Variants in BAIAP2L1 observed in about 807,000 individuals in gnomAD.
The protein encoded by BAIAP2L1 is BAR/IMD domain-containing adapter protein 2-like 1.
BAIAP2L1 carries 35 observed loss-of-function variants against 66.3 expected under a neutral mutation model. That is an observed-to-expected ratio of 0.53 (90% CI 0.40 to 0.70). The LOEUF (loss-of-function observed/expected upper bound fraction) is 0.70, where lower values mean the gene tolerates loss of function less well. Ranked by LOEUF, BAIAP2L1 falls within the 30% of genes least tolerant of loss-of-function variation. The pLI is 0.00. For synonymous variants in BAIAP2L1, 269 were observed against 248.7 expected, an observed-to-expected ratio of 1.08 and a Z score of -0.77; for missense variants, 622 against 656.9, an observed-to-expected ratio of 0.95 and a Z score of 0.58.
At chr7:98,331,506 T>TCG (rs200857454) in intron 3 of BAIAP2L1, among the ~76,000 whole-genome samples, 2,229 of 149,410 alleles carry the variant, frequency 0.015, 29 homozygotes, top group Non-Finnish European at 0.025. Context: ...TTCACTCTTG[T>TCG]CGTCCAGGCT....
chr7:98,339,415 G>A (rs1801688059), intron 3 of BAIAP2L1, among the ~76,000 whole-genome samples: 1 of 152,196 alleles, frequency 6.6e-6, no homozygotes, highest in South Asian at 2.1e-4. Context: ...ACTTTTAACA[G>A]TTTTGTTAAG....
intron 9 of BAIAP2L1, 37 bp from the exon 10 acceptor site, chr7:98,307,933 G>C: frequency 1.3e-6 from 2 of 1,598,864 alleles, no homozygotes; most frequent in African/African-American, 2.7e-5. Flanking sequence ...GCTTTTCAAA[G>C]CATGAGAATC....
chr7:98,327,296 G>A (rs1801398077), intron 3 of BAIAP2L1, among the ~76,000 whole-genome samples: 1 of 152,052 alleles, frequency 6.6e-6, no homozygotes, highest in South Asian at 2.1e-4. Context: ...GGGAGGCAGA[G>A]GTTGCAGTAA....
intron 3 of BAIAP2L1, among the ~76,000 whole-genome samples, chr7:98,337,047 C>T (rs544106030): frequency 1.1e-4 from 16 of 152,274 alleles, no homozygotes; most frequent in Admixed American, 7.2e-4. Flanking sequence ...TCCTGAATTT[C>T]GTATTTCCAT....
In BAIAP2L1 at chr7:98,372,733, G is replaced by GTTT. The variant is rs34330041; in HGVS notation, c.52-10304_52-10302dup. ...TGAGGATATGTCAAGATCGATTTTG[G>GTTT]TTTTTTTTTTTTTTTTTTTTTTTGA... On this transcript the variant is annotated intron_variant, in intron 1 of 13. Coordinates refer to ENST00000005260, the MANE Select transcript of BAIAP2L1 (RefSeq NM_018842.5). 7.2e-4 allele frequency among the ~76,000 whole-genome samples: 68 copies of GTTT among 93,804 alleles called. 1 individual carries two copies. The highest frequency in any genetic ancestry group is 1.2e-3 in the South Asian group (3 of 2,500). 61.5% of individuals were successfully genotyped at this position (93,804 alleles called of 152,430 possible).
rs189436583 is a variant in BAIAP2L1, at chr7:98,317,560, G to A, written c.349-204C>T. Among the ~76,000 whole-genome samples the A allele has an allele frequency of 1.1e-4, 16 of 147,480 alleles. No individual in the cohort carries two copies. The East Asian group carries it at 2.5e-3, about 23-fold the overall frequency. ...GGCCGGGGTCCCATGCCCACACTTC[G>A]CACCATCCTCATGCTGACCAGGGCC... On this transcript the variant is annotated intron_variant, in intron 5 of 13. Transcript: ENST00000005260.
Position 98,292,754 on chromosome 7 carries a change from G to A in BAIAP2L1, c.*767C>T. ...TGTACTGGTAATGGATGCAGCTTTG[G>A]CCAACTAGCTGAGTGAGAACACAAG... On this transcript the variant is annotated 3_prime_UTR_variant, in exon 14 of 14. Coordinates refer to ENST00000005260, the MANE Select transcript of BAIAP2L1 (RefSeq NM_018842.5). The A allele has an allele frequency of 6.4e-7, 1 of 1,550,760 alleles. No individual in the cohort carries two copies. Among genetic ancestry groups the A allele is most frequent in the Non-Finnish European group, 8.7e-7 (1 of 1,146,480 alleles).
intron 8 of BAIAP2L1, among the ~76,000 whole-genome samples, chr7:98,311,372 T>C (rs373192099): frequency 6.7e-6 from 1 of 150,092 alleles, no homozygotes; most frequent in Non-Finnish European, 1.5e-5. Context: ...TGAAACCCGG[T>C]TTCCACTAAA....
chr7:98,320,030 TG>T (rs1202860309), intron 5 of BAIAP2L1, 27 bp downstream of exon 5: 1 of 1,596,974 alleles, frequency 6.3e-7, no homozygotes, highest in Non-Finnish European at 8.6e-7. Flanking sequence ...AGCCCAAGGC[TG>T]GGGCTGGAGG....
At chr7:98,303,473 T>TC (rs1345833933) in intron 12 of BAIAP2L1, among the ~76,000 whole-genome samples, 1 of 152,150 alleles carries the variant, frequency 6.6e-6, no homozygotes, top group Non-Finnish European at 1.5e-5. Flanking sequence ...CACCACGCCA[T>TC]CACCTCACCT....
intron 1 of BAIAP2L1, among the ~76,000 whole-genome samples, chr7:98,364,239 T>G (rs945997521): frequency 2.0e-5 from 3 of 152,212 alleles, no homozygotes; most frequent in Non-Finnish European, 4.4e-5. Flanking sequence ...TGGCTGTTTT[T>G]CCTGGGATGG....
intron 3 of BAIAP2L1, among the ~76,000 whole-genome samples, chr7:98,336,006 G>T (rs1164202817): frequency 6.6e-6 from 1 of 152,198 alleles, no homozygotes; most frequent in East Asian, 1.9e-4. Flanking sequence ...TAGCATGGAT[G>T]CAGCTGGAGG....
At position 98,325,899 on chromosome 7, in the gene BAIAP2L1, T is replaced by C. The variant is rs75385705; in HGVS notation, c.215-5601A>G. 9.6e-3 allele frequency among the ~76,000 whole-genome samples: 1,466 copies of C among 152,208 alleles called. 27 individuals are homozygous for C. Among genetic ancestry groups the C allele is most frequent in the African/African-American group, 0.033 (1,372 of 41,532 alleles). On this transcript the variant is annotated intron_variant, in intron 3 of 13. Coordinates refer to ENST00000005260, the MANE Select transcript of BAIAP2L1 (RefSeq NM_018842.5). ...GGAGGCAGATGAGCAACCACAAACGTGATCAAATTTGAAAGGCTCGGTCAG... is the reference window on the plus strand; with the variant it reads ...GGAGGCAGATGAGCAACCACAAACGCGATCAAATTTGAAAGGCTCGGTCAG...
intron 5 of BAIAP2L1, among the ~76,000 whole-genome samples, chr7:98,318,966 T>C (rs548620962): frequency 1.4e-5 from 2 of 139,610 alleles, no homozygotes; most frequent in African/African-American, 2.6e-5. Context: ...AAAAAAAGAA[T>C]GGTGTCTATG....
At chr7:98,397,033 T>C (rs926201119) in intron 1 of BAIAP2L1, among the ~76,000 whole-genome samples, 2 of 152,178 alleles carry the variant, frequency 1.3e-5, no homozygotes, top group Admixed American at 1.3e-4. Flanking sequence ...GCTCATTGCC[T>C]TGTAGAGCTC....
intron 3 of BAIAP2L1, among the ~76,000 whole-genome samples, chr7:98,327,087 G>A (rs1460602589): frequency 1.3e-5 from 2 of 152,170 alleles, no homozygotes; most frequent in East Asian, 3.9e-4. Context: ...CCGGCCAGGC[G>A]CGGTGGCTCA....
intron 3 of BAIAP2L1, among the ~76,000 whole-genome samples, chr7:98,341,681 C>T (rs1801744544): frequency 6.6e-6 from 1 of 152,102 alleles, no homozygotes; most frequent in Admixed American, 6.6e-5. Context: ...CCTCAGTCTC[C>T]TCATCTATAA....
intron 7 of BAIAP2L1, 23 bp from the exon 8 acceptor site, chr7:98,312,287 C>G: frequency 1.3e-6 from 2 of 1,582,876 alleles, no homozygotes; most frequent in Non-Finnish European, 1.7e-6. Context: ...AAGAAGAAGA[C>G]TAAAGACAAA....
chr7:98,304,865 ATT>A (rs11423233), intron 11 of BAIAP2L1, among the ~76,000 whole-genome samples: 2,299 of 136,290 alleles, frequency 0.017, 68 homozygotes, highest in African/African-American at 0.059. Context: ...CTCACAAGAA[ATT>A]TTTTTTTTTT....
Sources: gnomAD v4.1 joint callset for allele counts (sites outside exome capture counted in the v4.1 genomes callset) on GRCh38, gnomAD v4.1.1 for gene constraint, MANE v1.5 for transcripts, NCBI Gene and HGNC (gene_info 2026-07-23, HGNC 2026-07-21) for gene names.